NKAIN3: variants seen among roughly 807,000 people sequenced by gnomAD.
NKAIN3 encodes the protein sodium/potassium-transporting ATPase subunit beta-1-interacting protein 3.
In NKAIN3, 25 loss-of-function variants were observed where a neutral mutation model predicts 30.2. The ratio of observed to expected loss-of-function variants is 0.83; its 90% CI spans 0.60 to 1.16. NKAIN3 has a LOEUF of 1.16. Among genes scored for constraint, NKAIN3 ranks in the 50% most tolerant of loss-of-function variants. NKAIN3 has a pLI of 0.00. For synonymous variants in NKAIN3, 91 were observed against 89.6 expected (o/e 1.02, Z -0.09); for missense variants, 225 against 254.1 (o/e 0.89, Z 0.78).
At chr8:62,765,027 G>C (rs985841925) in intron 4 of NKAIN3, among the ~76,000 whole-genome samples, 1 of 152,042 alleles carries the variant, frequency 6.6e-6, no homozygotes, top group African/African-American at 2.4e-5. Context: ...GGCAGATCAC[G>C]AGGTCAGGAG....
intron 3 of NKAIN3, 87 bp downstream of exon 3, chr8:62,589,881 G>C: frequency 1.1e-5 from 1 of 92,206 alleles, no homozygotes; most frequent in Non-Finnish European, 2.7e-5. Context: ...TATATTGTGT[G>C]TGTGTGTGTG....
At chr8:62,874,141 TAAAG>T (rs1820726174) in intron 4 of NKAIN3, among the ~76,000 whole-genome samples, 2 of 151,982 alleles carry the variant, frequency 1.3e-5, no homozygotes, top group South Asian at 4.2e-4. Flanking sequence ...TAAAAAATGA[TAAAG>T]AGATTTCACC....
At chr8:62,850,277 C>T (rs1383574425) in intron 4 of NKAIN3, among the ~76,000 whole-genome samples, 2 of 152,048 alleles carry the variant, frequency 1.3e-5, no homozygotes, top group Admixed American at 1.3e-4. Flanking sequence ...CTGTTCAGGT[C>T]CTTCACCCAC....
At chr8:62,634,643 G>A (rs1395863409) in intron 3 of NKAIN3, among the ~76,000 whole-genome samples, 4 of 152,218 alleles carry the variant, frequency 2.6e-5, no homozygotes, top group Non-Finnish European at 5.9e-5. Flanking sequence ...GAAGAGGTGG[G>A]CCCTGGTGGG....
At chr8:62,579,518 A>G in intron 1 of NKAIN3, 21 bp from the exon 2 acceptor site, 1 of 1,590,936 alleles carries the variant, frequency 6.3e-7, no homozygotes, top group Non-Finnish European at 8.5e-7. Flanking sequence ...AATGCTAATG[A>G]ACTTTCTTTT....
chr8:62,473,979 C>G (rs1806435293), intron 1 of NKAIN3: 1 of 152,122 alleles, frequency 6.6e-6, no homozygotes, highest in Non-Finnish European at 1.5e-5. Flanking sequence ...ACCTGTGTCA[C>G]TGTTTTGTAT....
chr8:62,251,185 A>G (rs1410487408), intron 1 of NKAIN3, among the ~76,000 whole-genome samples: 11 of 152,194 alleles, frequency 7.2e-5, no homozygotes, highest in Admixed American at 7.2e-4. Flanking sequence ...GCAGGTGAGG[A>G]AGTTGATATT....
chr8:62,520,763 C>T (rs1380914168), intron 1 of NKAIN3, among the ~76,000 whole-genome samples: 1 of 151,910 alleles, frequency 6.6e-6, no homozygotes, highest in East Asian at 1.9e-4. Flanking sequence ...TCTTAGACAG[C>T]CAAAGGCCTT....
rs570814465 is a variant in NKAIN3 at position 62,970,177 on chromosome 8, A to C, written c.*4770A>C. Among the ~76,000 whole-genome samples the C allele has an allele frequency of 1.9e-4, 29 of 152,280 alleles. No homozygotes were observed. The highest frequency in any genetic ancestry group is 6.7e-4 in the African/African-American group (28 of 41,556). On this transcript the variant is annotated 3_prime_UTR_variant, in exon 7 of 7. Coordinates refer to ENST00000623646, the MANE Select transcript of NKAIN3 (RefSeq NM_001304533.3). ...AGGAATTAGAGGCTGCAGTGAGTGC[A>C]CTACTGCACTCCAGCCTAGGCAATA...
At chr8:62,356,878 G>A (rs901761045) in intron 1 of NKAIN3, among the ~76,000 whole-genome samples, 4 of 151,994 alleles carry the variant, frequency 2.6e-5, no homozygotes, top group African/African-American at 7.3e-5. Context: ...TTGGGAGGCC[G>A]AGACAGGTGG....
intron 1 of NKAIN3, among the ~76,000 whole-genome samples, chr8:62,526,393 A>G (rs1004070261): frequency 6.6e-6 from 1 of 152,132 alleles, no homozygotes; most frequent in Non-Finnish European, 1.5e-5. Context: ...ATAGCAAGAA[A>G]TTGACTACTG....
chr8:62,870,109 C>A (rs1266100760), intron 4 of NKAIN3, among the ~76,000 whole-genome samples: 1 of 150,132 alleles, frequency 6.7e-6, no homozygotes, highest in Admixed American at 6.7e-5. Context: ...GTGGACTGAG[C>A]CACTCCAGGC....
intron 4 of NKAIN3, among the ~76,000 whole-genome samples, chr8:62,810,086 G>A (rs543821199): frequency 4.1e-4 from 62 of 152,202 alleles, no homozygotes; most frequent in East Asian, 9.7e-4. Flanking sequence ...TGAGCAAGCC[G>A]CTCTTCTTCA....
At chr8:62,837,320 G>C (rs1819394726) in intron 4 of NKAIN3, among the ~76,000 whole-genome samples, 2 of 152,066 alleles carry the variant, frequency 1.3e-5, no homozygotes, top group African/African-American at 4.8e-5. Flanking sequence ...AGTGATGAAT[G>C]ATTTAATAAT....
intron 3 of NKAIN3, among the ~76,000 whole-genome samples, chr8:62,734,350 G>A (rs1427650183): frequency 6.6e-6 from 1 of 152,080 alleles, no homozygotes; most frequent in Non-Finnish European, 1.5e-5. Flanking sequence ...TTCTTAAATT[G>A]TGCTGTTTAC....
At chr8:62,367,651 T>C (rs1245885871) in intron 1 of NKAIN3, among the ~76,000 whole-genome samples, 2 of 152,156 alleles carry the variant, frequency 1.3e-5, no homozygotes, top group Non-Finnish European at 2.9e-5. Context: ...GGTGAAAAAC[T>C]GCAAGTTTTC....
chr8:62,948,737 A>G (rs569940026), intron 5 of NKAIN3, among the ~76,000 whole-genome samples: 1 of 152,362 alleles, frequency 6.6e-6, no homozygotes, highest in African/African-American at 2.4e-5. Context: ...TGCCATATTT[A>G]TAAAACCAGA....
intron 3 of NKAIN3, among the ~76,000 whole-genome samples, chr8:62,670,883 A>ACACC (rs1315540347): frequency 1.2e-5 from 1 of 85,470 alleles, no homozygotes; most frequent in Non-Finnish European, 2.1e-5. Context: ...ATACAAGCAC[A>ACACC]CACACACACA....
At position 62,450,802 on chromosome 8, in the gene NKAIN3, A is replaced by G. The variant is rs558969331; in HGVS notation, c.55-128737A>G. On this transcript the variant is annotated intron_variant, in intron 1 of 6. Coordinates refer to ENST00000623646, the MANE Select transcript of NKAIN3 (RefSeq NM_001304533.3). Reference sequence around the variant, plus strand: ...AACTGGATCCCTGCAGAAGGAAAAAATGATGAAATTCATAAATAAAGGATC... The same window carrying G: ...AACTGGATCCCTGCAGAAGGAAAAAGTGATGAAATTCATAAATAAAGGATC... Among the ~76,000 whole-genome samples, 7 of 152,340 alleles carry G rather than the reference A, an allele frequency of 4.6e-5. No individual in the cohort carries two copies. The South Asian group carries it at 6.2e-4, about 14-fold the overall frequency.
Sources: allele counts gnomAD v4.1 joint callset (sites outside exome capture counted in the v4.1 genomes callset), GRCh38; gene constraint gnomAD v4.1.1; transcripts MANE v1.5; gene names NCBI Gene and HGNC (gene_info 2026-07-23, HGNC 2026-07-21).